The following ZFP1 variants were observed in gnomAD, a reference collection of about 807,000 sequenced individuals.
The protein encoded by ZFP1 is ZFP1 zinc finger protein.
ZFP1 carries 32 observed loss-of-function variants against 38.5 expected under a neutral mutation model. That is an observed-to-expected ratio of 0.83 (90% CI 0.63 to 1.12). The LOEUF is 1.12. ZFP1 is among the 50% of genes most tolerant of loss of function. The probability of loss-of-function intolerance (pLI) is 0.00; values close to 1 mark genes in which losing one functional copy is unlikely to be tolerated. For synonymous variants in ZFP1, 245 were observed against 168.8 expected, an observed-to-expected ratio of 1.45 and a Z score of -3.50; for missense variants, 616 against 480.8, an observed-to-expected ratio of 1.28 and a Z score of -2.63.
chr16:75,148,363 T>G (rs2036984660), upstream of ZFP1: 2 of 152,196 alleles, frequency 1.3e-5, no homozygotes, highest in Admixed American at 1.3e-4. Context: ...TCAGACCGCC[T>G]AACAAGGCGA....
chr16:75,139,390 AAAAAAAC>A, the ZFP1 span, among the ~76,000 whole-genome samples: 1 of 131,316 alleles, frequency 7.6e-6, no homozygotes, highest in African/African-American at 4.3e-5. Flanking sequence ...AAAAAAAAAA[AAAAAAAC>A]ACCGTCAGAG....
chr16:75,125,143 C>T, the ZFP1 span, among the ~76,000 whole-genome samples: 1 of 151,984 alleles, frequency 6.6e-6, no homozygotes, highest in Non-Finnish European at 1.5e-5. Context: ...CCTGTAATCC[C>T]AGCTATTTGG....
chr16:75,169,840 G>T lies in ZFP1; in HGVS notation c.730G>T (p.Glu244Ter), dbSNP rs902819343. The stretch of plus-strand genomic sequence containing the variant: ...TGGGGAGAAACCTTTCGAGTGTCCG[G>T]AATGTGGAAAAGCTTTCACCCACCA... Reference protein sequence around the residue: ...HTGEKPFECPECGKAFTHQSN... With the variant: ...HTGEKPFECP Residue 244 changes from glutamate to a stop codon, truncating the protein, a stop_gained, in exon 4 of 4, where the codon GAA becomes TAA. Transcript: ENST00000570010. LOFTEE classifies it high-confidence loss of function. 1 of 1,614,118 alleles carries T rather than the reference G, an allele frequency of 6.2e-7. No individual in the cohort carries two copies. The highest frequency in any genetic ancestry group is 8.5e-7 in the Non-Finnish European group (1 of 1,180,014).
At chr16:75,145,779 A>G (rs72626191), upstream of ZFP1, among the ~76,000 whole-genome samples, 1 of 150,266 alleles carries the variant, frequency 6.7e-6, no homozygotes, top group Non-Finnish European at 1.5e-5. Context: ...CCCTCACTCA[A>G]TAAAACCTCT....
intron 2 of ZFP1, among the ~76,000 whole-genome samples, chr16:75,158,573 G>A (rs1032617939): frequency 1.3e-5 from 2 of 150,194 alleles, no homozygotes; most frequent in South Asian, 4.2e-4. Flanking sequence ...GATTATAGGC[G>A]TGAGCCACCA....
At chr16:75,163,382 G>A (rs1245520140) in intron 2 of ZFP1, among the ~76,000 whole-genome samples, 1 of 151,284 alleles carries the variant, frequency 6.6e-6, no homozygotes, top group Non-Finnish European at 1.5e-5. Flanking sequence ...GCATGATCTC[G>A]CTCACTGCAA....
chr16:75,164,216 T>A (rs72802316), intron 2 of ZFP1, among the ~76,000 whole-genome samples: 1 of 152,226 alleles, frequency 6.6e-6, no homozygotes, highest in African/African-American at 2.4e-5. Flanking sequence ...AAAAATTATA[T>A]GTAGGTTTTT....
rs753486027 is a variant in ZFP1 at position 75,170,382 on chromosome 16, A to G, written c.*48A>G. ...GGAAAACTCCTGCCAGAACTCTTCA[A>G]GCGGGTGAAAAACCTCATGACAGTA... is the stretch of plus-strand genomic sequence containing the variant. On this transcript the variant is annotated 3_prime_UTR_variant, in exon 4 of 4. Coordinates refer to ENST00000570010, the MANE Select transcript of ZFP1 (RefSeq NM_153688.4). The G allele has an allele frequency of 4.0e-6, 6 of 1,512,056 alleles. No homozygotes were observed. Among genetic ancestry groups the G allele is most frequent in the Non-Finnish European group, 4.4e-6 (5 of 1,130,994 alleles). The allele number at this position is 1,512,056 out of a possible 1,614,324, so 93.7% of individuals were successfully genotyped here. A position where few individuals can be genotyped will look rare whatever the true frequency, so the allele number is the denominator to read the frequency against.
At chr16:75,147,002 G>C (rs906156817), upstream of ZFP1, among the ~76,000 whole-genome samples, 6 of 146,874 alleles carry the variant, frequency 4.1e-5, no homozygotes, top group Non-Finnish European at 7.5e-5. Flanking sequence ...AAACTTAAAT[G>C]TATATTACTA....
chr16:75,140,118 A>T, the ZFP1 span, among the ~76,000 whole-genome samples: 1 of 152,126 alleles, frequency 6.6e-6, no homozygotes, highest in East Asian at 1.9e-4. Flanking sequence ...AAAACACAAA[A>T]CTAGCCGGGC....
At chr16:75,146,373 T>C (rs1017808525), upstream of ZFP1, among the ~76,000 whole-genome samples, 2 of 152,070 alleles carry the variant, frequency 1.3e-5, no homozygotes, top group African/African-American at 4.8e-5. Context: ...TTCGCTGTGT[T>C]AGCCAGGATG....
the ZFP1 span, among the ~76,000 whole-genome samples, chr16:75,119,957 C>A: frequency 2.6e-5 from 4 of 152,068 alleles, no homozygotes; most frequent in African/African-American, 9.7e-5. Context: ...GCTTTAGTTA[C>A]ACAACGAGGC....
upstream of ZFP1, among the ~76,000 whole-genome samples, chr16:75,145,877 G>C (rs1003416476): frequency 6.6e-6 from 1 of 152,148 alleles, no homozygotes; most frequent in African/African-American, 2.4e-5. Context: ...GGTGTAAAAG[G>C]CTGTCACCCT....
intron 2 of ZFP1, among the ~76,000 whole-genome samples, chr16:75,165,490 G>C (rs1042745724): frequency 8.5e-5 from 13 of 152,080 alleles, no homozygotes; most frequent in African/African-American, 3.1e-4. Flanking sequence ...CACCTCCCAG[G>C]TTCAAGCAAT....
chr16:75,138,606 C>T, the ZFP1 span, among the ~76,000 whole-genome samples: 1 of 152,212 alleles, frequency 6.6e-6, no homozygotes, highest in Non-Finnish European at 1.5e-5. Context: ...AAGATGAGGT[C>T]ACACTGGAGT....
At chr16:75,137,751 C>G in the ZFP1 span, among the ~76,000 whole-genome samples, 1 of 152,032 alleles carries the variant, frequency 6.6e-6, no homozygotes, top group East Asian at 1.9e-4. Context: ...CAGGCATGAG[C>G]CAACACGCCC....
chr16:75,156,055 A>G (rs1397088862), intron 2 of ZFP1, among the ~76,000 whole-genome samples: 3 of 152,190 alleles, frequency 2.0e-5, no homozygotes, highest in Non-Finnish European at 4.4e-5. Context: ...AAATGAAACC[A>G]CTCATGTATT....
chr16:75,135,845 C>T, the ZFP1 span, among the ~76,000 whole-genome samples: 3 of 152,178 alleles, frequency 2.0e-5, no homozygotes, highest in African/African-American at 4.8e-5. Context: ...GACGGAGTCT[C>T]ACTTTGTCAC....
At chr16:75,128,245 G>C in the ZFP1 span, among the ~76,000 whole-genome samples, 3 of 152,224 alleles carry the variant, frequency 2.0e-5, no homozygotes, top group Non-Finnish European at 2.9e-5. Context: ...GGAACCTCAA[G>C]AGGAGAAGAA....
Sources: allele counts gnomAD v4.1 joint callset (sites outside exome capture counted in the v4.1 genomes callset), GRCh38; gene constraint gnomAD v4.1.1; transcripts MANE v1.5; gene names NCBI Gene and HGNC (gene_info 2026-07-23, HGNC 2026-07-21).